Variants in TRPM6 observed in about 807,000 individuals in gnomAD.
The protein encoded by TRPM6 is transient receptor potential cation channel subfamily M member 6.
Under a neutral mutation model 247.6 loss-of-function variants are expected in TRPM6, and 111 were observed. The ratio of observed to expected loss-of-function variants is 0.45; its 90% CI spans 0.38 to 0.52. The LOEUF (loss-of-function observed/expected upper bound fraction) is 0.52. Among genes scored for constraint, TRPM6 ranks in the 20% least tolerant of loss-of-function variants. The probability of loss-of-function intolerance (pLI) is 0.00; values close to 1 mark genes in which losing one functional copy is unlikely to be tolerated. For missense variants in TRPM6, 2,126 were observed against 2,421.5 expected (o/e 0.88, Z 2.56); for synonymous variants, 892 against 853.8 (o/e 1.04, Z -0.78).
intron 3 of TRPM6, among the ~76,000 whole-genome samples, chr9:74,853,127 T>C (rs1317887419): frequency 1.4e-5 from 2 of 145,956 alleles, no homozygotes; most frequent in Non-Finnish European, 3.0e-5. Context: ...CTGAGGAGTG[T>C]CTCTGCTCGA....
At chr9:74,786,467 C>T (rs1827672206) in intron 20 of TRPM6, among the ~76,000 whole-genome samples, 3 of 152,028 alleles carry the variant, frequency 2.0e-5, no homozygotes, top group South Asian at 2.1e-4. Context: ...AGGCTGGGCG[C>T]GGTGGCTCAT....
chr9:74,784,256 C>T (rs1012899380), intron 21 of TRPM6, among the ~76,000 whole-genome samples: 2 of 147,426 alleles, frequency 1.4e-5, no homozygotes, highest in African/African-American at 5.1e-5. Flanking sequence ...GAGCAAGACT[C>T]CATCTCAGAA....
intron 14 of TRPM6, among the ~76,000 whole-genome samples, chr9:74,807,750 C>T (rs1184569194): frequency 6.6e-6 from 1 of 152,116 alleles, no homozygotes; most frequent in Non-Finnish European, 1.5e-5. Context: ...CCTGCCTCAT[C>T]ACATTATTTC....
In TRPM6 at chr9:74,804,884, A is replaced by C; in HGVS notation, c.1639-998T>G. 6 of 363,686 alleles carry C rather than the reference A, an allele frequency of 1.6e-5. No homozygotes were observed. In the Admixed American group the frequency reaches 2.6e-4, roughly 16 times the overall value. The allele number at this position is 363,686 out of a possible 1,614,324, so 22.5% of individuals were successfully genotyped here. On this transcript the variant is annotated intron_variant, in intron 14 of 38. Coordinates refer to ENST00000360774, the MANE Select transcript of TRPM6 (RefSeq NM_017662.5). ...GCACAAAAAATCCCAAAATATGCAC[A>C]TAGCAAATGAATGATTATAAATATT... is the stretch of plus-strand genomic sequence containing the variant.
intron 13 of TRPM6, among the ~76,000 whole-genome samples, chr9:74,809,340 C>T (rs1828643942): frequency 6.6e-6 from 1 of 152,100 alleles, no homozygotes; most frequent in Admixed American, 6.6e-5. Context: ...TTTTAAACTG[C>T]CCATTTATAG....
intron 35 of TRPM6, 54 bp downstream of exon 35, chr9:74,739,313 C>G: frequency 6.9e-7 from 1 of 1,458,972 alleles, no homozygotes; most frequent in South Asian, 1.1e-5. Context: ...GCTGAGAAGA[C>G]GTGATAGAAA....
At chr9:74,732,388 A>G (rs1825548277) in intron 37 of TRPM6, among the ~76,000 whole-genome samples, 1 of 152,260 alleles carries the variant, frequency 6.6e-6, no homozygotes, top group Non-Finnish European at 1.5e-5. Flanking sequence ...TCAAAGCCAC[A>G]GAGGCTAAAC....
At position 74,762,589 on chromosome 9, in the gene TRPM6, A is replaced by G. The variant is rs751761181; in HGVS notation, c.4082T>C (p.Val1361Ala). The change falls in exon 26 of 39, where the codon GTC (valine) becomes GCC (alanine). Residue 1361 changes from valine to alanine, a missense_variant. Transcript: ENST00000360774. Reference sequence around the variant, plus strand: ...CACAGAGGGTCTGGACAGAGGCAAGACAGTTTCTGCTGAAAAAGGAACTCG... The same window carrying G: ...CACAGAGGGTCTGGACAGAGGCAAGGCAGTTTCTGCTGAAAAAGGAACTCG... ...LKRVPFSAET[V>A]LPLSRPSVPD... 2.5e-6 allele frequency: 4 copies of G among 1,614,070 alleles called. No homozygotes were observed. In the Admixed American group the frequency reaches 5.0e-5, roughly 20 times the overall value.
intron 1 of TRPM6, among the ~76,000 whole-genome samples, chr9:74,868,052 G>A (rs1234122177): frequency 4.6e-5 from 7 of 151,142 alleles, no homozygotes; most frequent in African/African-American, 1.7e-4. Context: ...TACTCAGGAG[G>A]CTGAGGCAGG....
intron 18 of TRPM6, among the ~76,000 whole-genome samples, chr9:74,796,107 C>T (rs908471762): frequency 6.6e-6 from 1 of 152,164 alleles, no homozygotes; most frequent in African/African-American, 2.4e-5. Flanking sequence ...AAAAGTGCTG[C>T]CTCCACCCCT....
In TRPM6 at chr9:74,747,854, A is replaced by C. The variant is rs777825515; in HGVS notation, c.5083+35T>G. On this transcript the variant is annotated intron_variant, in intron 31 of 38. Transcript: ENST00000360774. ...GAACCTCGCATTAAAAAGATGAAAA[A>C]ATAAAAAATAAAATGTTTAAACAGA... The C allele has an allele frequency of 2.6e-6, 4 of 1,553,204 alleles. No individual in the cohort carries two copies. In the East Asian group the frequency reaches 6.7e-5, roughly 26 times the overall value.
intron 3 of TRPM6, among the ~76,000 whole-genome samples, chr9:74,843,983 T>C (rs1830026143): frequency 6.6e-6 from 1 of 152,150 alleles, no homozygotes; most frequent in African/African-American, 2.4e-5. Flanking sequence ...AGCAGAAATA[T>C]GTTTAAAGGA....
chr9:74,804,486 C>G, intron 14 of TRPM6: 1 of 676,706 alleles, frequency 1.5e-6, no homozygotes, highest in Non-Finnish European at 2.7e-6. Flanking sequence ...CTTGCCTGAT[C>G]TCTATTTCTA....
intron 3 of TRPM6, among the ~76,000 whole-genome samples, chr9:74,851,500 C>A (rs1409706947): frequency 1.3e-5 from 2 of 151,968 alleles, no homozygotes; most frequent in Non-Finnish European, 2.9e-5. Context: ...GTAATCCCAG[C>A]ACTTTGGGAG....
chr9:74,833,089 T>G (rs1462747859), intron 6 of TRPM6, among the ~76,000 whole-genome samples: 1 of 152,130 alleles, frequency 6.6e-6, no homozygotes, highest in South Asian at 2.1e-4. Context: ...CCCATAATCA[T>G]GTCTGTATTA....
At position 74,762,483 on chromosome 9, in the gene TRPM6, G is replaced by A. The variant is rs778689655; in HGVS notation, c.4188C>T (p.Asp1396=). 2 of 1,614,192 alleles carry A rather than the reference G, an allele frequency of 1.2e-6. No individual in the cohort carries two copies. Among genetic ancestry groups the A allele is most frequent in the Non-Finnish European group, 1.7e-6 (2 of 1,180,032 alleles). ...CCTTGGGTTCATCCACTGATGCCCA[G>A]TCAGAGACAACTGGGGTCTGCCCAG... The part of the protein sequence containing the change: ...HLTGQTPVVS[D]WASVDEPKEK... Residue 1396 remains aspartate (D), a synonymous_variant, in exon 26 of 39, where the codon GAC becomes GAT. Coordinates refer to ENST00000360774, the MANE Select transcript of TRPM6 (RefSeq NM_017662.5).
chr9:74,884,022 G>A (rs1831448277), intron 1 of TRPM6, among the ~76,000 whole-genome samples: 1 of 152,160 alleles, frequency 6.6e-6, no homozygotes, highest in Non-Finnish European at 1.5e-5. Flanking sequence ...GGTGGCACAT[G>A]CCTGTAATCC....
At position 74,840,124 on chromosome 9, in the gene TRPM6, G is replaced by A. The variant is rs766718200; in HGVS notation, c.444C>T (p.Asn148=). ...LVISVHGGIQ[N]FTMPSKFKEI... The stretch of plus-strand genomic sequence containing the variant: ...CTTTAAATTTAGAGGGCATAGTAAA[G>A]TTCTGGATGCCCCCATGGACTGAGA... The change falls in exon 5 of 39, where the codon AAC becomes AAT. Residue 148 remains asparagine, a synonymous_variant. Transcript: ENST00000360774. 6.2e-7 allele frequency: 1 copy of A among 1,613,968 alleles called. No homozygotes were observed. Among genetic ancestry groups the A allele is most frequent in the South Asian group, 1.1e-5 (1 of 91,078 alleles).
In TRPM6 at chr9:74,725,722, T is replaced by C. The variant is rs571404057; in HGVS notation, c.5936-976A>G. Reference sequence around the variant, plus strand: ...TGCTCCTCCTTGCCTTCTGCCATGATTGTGAGGCCTCCCCAGCCATGTGGA... The same window carrying C: ...TGCTCCTCCTTGCCTTCTGCCATGACTGTGAGGCCTCCCCAGCCATGTGGA... On this transcript the variant is annotated intron_variant, in intron 38 of 38. Transcript: ENST00000360774. 1.8e-4 allele frequency among the ~76,000 whole-genome samples: 28 copies of C among 152,330 alleles called. No homozygotes were observed. The South Asian group carries it at 4.6e-3, about 25-fold the overall frequency.
Sources: gnomAD v4.1 joint callset for allele counts (sites outside exome capture counted in the v4.1 genomes callset) on GRCh38, gnomAD v4.1.1 for gene constraint, MANE v1.5 for transcripts, NCBI Gene and HGNC (gene_info 2026-07-23, HGNC 2026-07-21) for gene names.